Variants in PPFIA2 observed in about 807,000 individuals in gnomAD.
PPFIA2 encodes liprin-alpha-2.
A neutral mutation model predicts 175.5 loss-of-function variants in PPFIA2; 46 were observed. That is an observed-to-expected ratio of 0.26 (90% CI 0.21 to 0.34). The LOEUF is 0.34. PPFIA2 is among the 10% of genes least tolerant of loss of function. PPFIA2 has a pLI of 1.00. For missense variants in PPFIA2, 1,179 were observed against 1,506.1 expected (o/e 0.78, Z 3.60); for synonymous variants, 568 against 511.4 (o/e 1.11, Z -1.49).
At chr12:81,665,030 C>T (rs1193697890) in intron 4 of PPFIA2, among the ~76,000 whole-genome samples, 1 of 151,662 alleles carries the variant, frequency 6.6e-6, no homozygotes, top group African/African-American at 2.4e-5. Flanking sequence ...CACACCGGGG[C>T]CTGTTGTCGG....
chr12:81,456,296 T>G (rs1210810849), intron 5 of PPFIA2, among the ~76,000 whole-genome samples: 1 of 152,192 alleles, frequency 6.6e-6, no homozygotes, highest in Non-Finnish European at 1.5e-5. Context: ...GATAATATGA[T>G]CTAAACTGCC....
chr12:81,488,325 C>A (rs549497305), intron 4 of PPFIA2, among the ~76,000 whole-genome samples: 2 of 151,540 alleles, frequency 1.3e-5, no homozygotes, highest in South Asian at 2.1e-4. Context: ...CACCACAATT[C>A]TTTTCACCTG....
At chr12:81,360,611 G>A (rs763580280) in intron 15 of PPFIA2, among the ~76,000 whole-genome samples, 1 of 151,602 alleles carries the variant, frequency 6.6e-6, no homozygotes, top group South Asian at 2.1e-4. Flanking sequence ...ACTCACCTTA[G>A]CTTATCTCTC....
intron 8 of PPFIA2, among the ~76,000 whole-genome samples, chr12:81,404,819 A>G (rs1423000803): frequency 1.3e-5 from 2 of 152,204 alleles, no homozygotes; most frequent in Non-Finnish European, 2.9e-5. Flanking sequence ...GCTAAACTTA[A>G]TTTATAGTAA....
chr12:81,295,697 T>C (rs1276566037), intron 23 of PPFIA2, among the ~76,000 whole-genome samples: 1 of 152,098 alleles, frequency 6.6e-6, no homozygotes, highest in Non-Finnish European at 1.5e-5. Flanking sequence ...CATCAGAAAT[T>C]AGAGATTTTA....
chr12:81,669,187 C>A (rs2070942793), intron 4 of PPFIA2, among the ~76,000 whole-genome samples: 1 of 151,946 alleles, frequency 6.6e-6, no homozygotes, highest in Admixed American at 6.6e-5. Flanking sequence ...CCATAAAATT[C>A]TATTAATACT....
chr12:81,340,352 C>T (rs1233136248), intron 20 of PPFIA2, among the ~76,000 whole-genome samples: 2 of 151,920 alleles, frequency 1.3e-5, no homozygotes, highest in African/African-American at 2.4e-5. Context: ...ATCCTTAAGT[C>T]ATTATATTTG....
chr12:81,348,480 G>A (rs2059443941), intron 17 of PPFIA2, among the ~76,000 whole-genome samples: 1 of 152,186 alleles, frequency 6.6e-6, no homozygotes, highest in African/African-American at 2.4e-5. Context: ...GCTCACGCCT[G>A]TAATCCCAGC....
intron 2 of PPFIA2, 97 bp from the exon 3 acceptor site, chr12:81,754,320 C>T: frequency 7.0e-7 from 1 of 1,424,958 alleles, no homozygotes; most frequent in Admixed American, 2.1e-5. Context: ...AGCTTATTAG[C>T]CTATTTGTCT....
chr12:81,299,468 A>G, intron 22 of PPFIA2, 86 bp from the exon 23 acceptor site: 1 of 1,469,884 alleles, frequency 6.8e-7, no homozygotes, highest in Non-Finnish European at 9.1e-7. Context: ...TAAAATAACC[A>G]ATCATCCTTT....
At chr12:81,327,495 A>G (rs545369559) in intron 21 of PPFIA2, among the ~76,000 whole-genome samples, 13 of 152,226 alleles carry the variant, frequency 8.5e-5, no homozygotes, top group South Asian at 6.2e-4. Context: ...ATTATTATTC[A>G]TAGTCTTCAA....
Position 81,631,820 on chromosome 12 carries a change from AATC to A in PPFIA2, c.303+44968_303+44970del, listed in dbSNP as rs2063422508. Among the ~76,000 whole-genome samples, 3 of 152,344 alleles carry A rather than the reference AATC, an allele frequency of 2.0e-5. No individual in the cohort carries two copies. The South Asian group carries it at 6.2e-4, about 32-fold the overall frequency. Reference sequence around the variant, plus strand: ...CTCGCCTCAAGTATAAAGTGATAGTAATCATCATATTTTCCTCATGGGTTAGTA... The same window carrying A: ...CTCGCCTCAAGTATAAAGTGATAGTAATCATATTTTCCTCATGGGTTAGTA... On this transcript the variant is annotated intron_variant, in intron 4 of 32. Transcript: ENST00000549396.
intron 4 of PPFIA2, among the ~76,000 whole-genome samples, chr12:81,565,273 C>T (rs1487662293): frequency 6.6e-6 from 1 of 152,154 alleles, no homozygotes; most frequent in African/African-American, 2.4e-5. Flanking sequence ...TCAGGAGCCA[C>T]CCCCAACACT....
intron 4 of PPFIA2, among the ~76,000 whole-genome samples, chr12:81,464,029 T>G (rs997570709): frequency 6.6e-6 from 1 of 152,072 alleles, no homozygotes; most frequent in Admixed American, 6.6e-5. Flanking sequence ...AGTTGTTACC[T>G]TTTTACTTAT....
At chr12:81,323,436 T>A (rs1345580808) in intron 22 of PPFIA2, among the ~76,000 whole-genome samples, 1 of 152,146 alleles carries the variant, frequency 6.6e-6, no homozygotes, top group East Asian at 1.9e-4. Flanking sequence ...CTTCATTTAT[T>A]GTTTTTATTT....
chr12:81,475,678 A>G (rs1011687569), intron 4 of PPFIA2, among the ~76,000 whole-genome samples: 3 of 152,118 alleles, frequency 2.0e-5, no homozygotes, highest in Non-Finnish European at 2.9e-5. Flanking sequence ...GACTACTTTA[A>G]GTTGAAAGGG....
intron 3 of PPFIA2, among the ~76,000 whole-genome samples, chr12:81,681,908 C>T (rs1406741476): frequency 6.6e-6 from 1 of 152,004 alleles, no homozygotes; most frequent in African/African-American, 2.4e-5. Flanking sequence ...GCATATCCCA[C>T]AAGACCCAAG....
chr12:81,332,213 A>G lies in PPFIA2; in HGVS notation c.2549-6343T>C, dbSNP rs144033332. Among the ~76,000 whole-genome samples, 18 of 151,970 alleles carry G rather than the reference A, an allele frequency of 1.2e-4. No homozygotes were observed. The East Asian group carries it at 1.9e-3, about 16-fold the overall frequency. ...CTCTGCTTCAAGATGCTGCCTCCCA[A>G]TCTCTGCAGTTCCAATCTGTCTGTG... On this transcript the variant is annotated intron_variant, in intron 21 of 32. Transcript: ENST00000549396.
intron 6 of PPFIA2, among the ~76,000 whole-genome samples, chr12:81,444,852 A>C (rs911031383): frequency 2.6e-5 from 4 of 152,176 alleles, no homozygotes; most frequent in Admixed American, 1.3e-4. Context: ...TTAAAAGTTC[A>C]GTCTTTGAAA....
Sources: allele counts gnomAD v4.1 joint callset (sites outside exome capture counted in the v4.1 genomes callset), GRCh38; gene constraint gnomAD v4.1.1; transcripts MANE v1.5; gene names NCBI Gene and HGNC (gene_info 2026-07-23, HGNC 2026-07-21).